The following RCOR1 variants were observed in gnomAD, a reference collection of about 807,000 sequenced individuals.
RCOR1 encodes the protein REST corepressor 1.
Under a neutral mutation model 64.0 loss-of-function variants are expected in RCOR1, and 12 were observed. The ratio of observed to expected loss-of-function variants is 0.19; its 90% CI spans 0.12 to 0.30. RCOR1 has a LOEUF of 0.30. Ranked by LOEUF, RCOR1 falls within the 10% of genes least tolerant of loss-of-function variation. The probability of loss-of-function intolerance (pLI) is 1.00; values close to 1 mark genes in which losing one functional copy is unlikely to be tolerated. For synonymous variants in RCOR1, 279 were observed against 227.2 expected (o/e 1.23, Z -2.05); for missense variants, 502 against 621.2 (o/e 0.81, Z 2.04).
intron 2 of RCOR1, chr14:102,629,946 T>C (rs552933699): frequency 3.7e-5 from 35 of 948,392 alleles, no homozygotes; most frequent in Admixed American, 1.2e-4. Context: ...TTGACTATTA[T>C]TACATTATAT....
intron 3 of RCOR1, among the ~76,000 whole-genome samples, chr14:102,687,568 C>G (rs1284038906): frequency 1.6e-4 from 25 of 152,104 alleles, no homozygotes; most frequent in Admixed American, 1.6e-3. Flanking sequence ...TTCCCAATAA[C>G]ATAGATTAGA....
At chr14:102,663,373 C>T (rs1242616338) in intron 2 of RCOR1, among the ~76,000 whole-genome samples, 1 of 152,178 alleles carries the variant, frequency 6.6e-6, no homozygotes, top group East Asian at 1.9e-4. Context: ...TCTATGTTCC[C>T]TTCTAACATC....
At chr14:102,610,647 C>T (rs958740771) in intron 2 of RCOR1, among the ~76,000 whole-genome samples, 4 of 152,138 alleles carry the variant, frequency 2.6e-5, no homozygotes, top group African/African-American at 7.2e-5. Context: ...ACTGCAAGCT[C>T]GCCCACCCGC....
In RCOR1 at chr14:102,707,273, A is replaced by T. The variant is rs563097526; in HGVS notation, c.499-78A>T. On this transcript the variant is annotated intron_variant, in intron 4 of 11. Coordinates refer to ENST00000262241, the MANE Select transcript of RCOR1 (RefSeq NM_015156.4). ...TTTGTCTAAATATGAAGTCGTTTTT[A>T]CTTTTCTTTTGCTGGTCTCATTTCC... 423 of 1,165,324 alleles carry T rather than the reference A, an allele frequency of 3.6e-4. No homozygotes were observed. The highest frequency in any genetic ancestry group is 8.3e-4 in the East Asian group (30 of 36,216). 72.2% of individuals were successfully genotyped at this position (1,165,324 alleles called of 1,614,324 possible).
intron 3 of RCOR1, among the ~76,000 whole-genome samples, chr14:102,688,070 A>C (rs1012132614): frequency 6.6e-6 from 1 of 150,842 alleles, no homozygotes; most frequent in African/African-American, 2.4e-5. Context: ...GGGTTCAAGC[A>C]GTTCTCCTGC....
intron 2 of RCOR1, among the ~76,000 whole-genome samples, chr14:102,632,089 C>T (rs1008881083): frequency 2.0e-5 from 3 of 150,002 alleles, no homozygotes; most frequent in Non-Finnish European, 4.4e-5. Context: ...GGATTACAGG[C>T]GTGAGCCACC....
Position 102,609,025 on chromosome 14 carries a change from CTTTTTT to C in RCOR1, c.361+15719_361+15724del, listed in dbSNP as rs1004210046. ...GGTTATGGAGTAATTCTGTGCTTCACTTTTTTTTTTTTTTTTTTTTTTTTAAATTTT... is the reference window on the plus strand; with the variant it reads ...GGTTATGGAGTAATTCTGTGCTTCACTTTTTTTTTTTTTTTTTTAAATTTT... On this transcript the variant is annotated intron_variant, in intron 2 of 11. Transcript: ENST00000262241. Among the ~76,000 whole-genome samples the C allele has an allele frequency of 9.8e-4, 105 of 106,996 alleles. 1 individual carries two copies. Among genetic ancestry groups the C allele is most frequent in the African/African-American group, 3.0e-3 (87 of 28,664 alleles). 70.2% of individuals were successfully genotyped at this position (106,996 alleles called of 152,430 possible). A position where few individuals can be genotyped will look rare whatever the true frequency, so the allele number is the denominator to read the frequency against.
At chr14:102,675,484 A>G (rs1381930869) in intron 2 of RCOR1, among the ~76,000 whole-genome samples, 1 of 152,248 alleles carries the variant, frequency 6.6e-6, no homozygotes, top group Non-Finnish European at 1.5e-5. Context: ...AGTAAAATAC[A>G]GGGGACTTGA....
chr14:102,698,817 G>C lies in RCOR1; in HGVS notation c.446-2461G>C, dbSNP rs939456124. Among the ~76,000 whole-genome samples the C allele has an allele frequency of 2.0e-5, 3 of 152,164 alleles. 1 individual carries two copies. The highest frequency in any genetic ancestry group is 2.0e-4 in the Admixed American group (3 of 15,264). ...GTATACAGAACCACCTGTTCGAGCA[G>C]CCTCATCTGACATTTTTTAGAATCT... On this transcript the variant is annotated intron_variant, in intron 3 of 11. Coordinates refer to ENST00000262241, the MANE Select transcript of RCOR1 (RefSeq NM_015156.4).
At chr14:102,635,264 G>A (rs542197131) in intron 2 of RCOR1, among the ~76,000 whole-genome samples, 103 of 152,280 alleles carry the variant, frequency 6.8e-4, no homozygotes, top group African/African-American at 2.2e-3. Flanking sequence ...AGCACTTTGG[G>A]CGGCCCAGGC....
At chr14:102,594,186 G>C (rs1893196065) in intron 2 of RCOR1, among the ~76,000 whole-genome samples, 1 of 152,222 alleles carries the variant, frequency 6.6e-6, no homozygotes, top group South Asian at 2.1e-4. Flanking sequence ...GTGTCTGTAT[G>C]AGACTGTCTT....
intron 2 of RCOR1, chr14:102,658,667 T>TACCCAGAA (rs1894773468): frequency 1.0e-6 from 1 of 970,454 alleles, no homozygotes; most frequent in Admixed American, 6.2e-5. Context: ...TGCTTGTCAA[T>TACCCAGAA]ACCCAGAAAC....
chr14:102,722,091 A>T, intron 10 of RCOR1, 96 bp from the exon 11 acceptor site: 1 of 855,332 alleles, frequency 1.2e-6, no homozygotes, highest in South Asian at 1.7e-5. Flanking sequence ...AAAAGCCTGT[A>T]TGTTTTCTTA....
intron 2 of RCOR1, among the ~76,000 whole-genome samples, chr14:102,602,028 G>T (rs374046670): frequency 1.3e-5 from 2 of 151,780 alleles, no homozygotes; most frequent in Admixed American, 6.6e-5. Flanking sequence ...GTGTGGTCGC[G>T]GGTACCTGTA....
chr14:102,656,419 T>G (rs972854804), intron 2 of RCOR1, among the ~76,000 whole-genome samples: 2 of 151,738 alleles, frequency 1.3e-5, no homozygotes, highest in African/African-American at 2.4e-5. Flanking sequence ...ATTATAGGTG[T>G]GAGCCACGGT....
intron 2 of RCOR1, among the ~76,000 whole-genome samples, chr14:102,611,917 A>C (rs1426534835): frequency 6.6e-6 from 1 of 152,184 alleles, no homozygotes; most frequent in Non-Finnish European, 1.5e-5. Flanking sequence ...TTGCAGCCTC[A>C]AACTCCTGGG....
intron 2 of RCOR1, among the ~76,000 whole-genome samples, chr14:102,647,316 A>AT (rs1057384516): frequency 2.6e-4 from 39 of 151,440 alleles, no homozygotes; most frequent in Non-Finnish European, 4.4e-4. Flanking sequence ...CCCATCTAGG[A>AT]TTTTTTTTTC....
intron 2 of RCOR1, among the ~76,000 whole-genome samples, chr14:102,671,300 G>GGGA (rs780390252): frequency 4.6e-5 from 7 of 152,156 alleles, no homozygotes; most frequent in Admixed American, 2.0e-4. Flanking sequence ...TAGGGTATAG[G>GGGA]GGAGGGGGTT....
intron 2 of RCOR1, among the ~76,000 whole-genome samples, chr14:102,620,076 A>C (rs1893843242): frequency 2.0e-5 from 3 of 152,124 alleles, no homozygotes; most frequent in Admixed American, 1.3e-4. Context: ...GCTTTCTTGT[A>C]AATCTCCTGC....
Sources: allele counts gnomAD v4.1 joint callset (sites outside exome capture counted in the v4.1 genomes callset), GRCh38; gene constraint gnomAD v4.1.1; transcripts MANE v1.5; gene names NCBI Gene and HGNC (gene_info 2026-07-23, HGNC 2026-07-21).